XG: variants seen among roughly 807,000 people sequenced by gnomAD.
The protein encoded by XG is Xg glycoprotein (Xg blood group).
XG carries 24 observed loss-of-function variants against 25.7 expected under a neutral mutation model. The ratio of observed to expected loss-of-function variants is 0.93; its 90% CI spans 0.68 to 1.31. The LOEUF (loss-of-function observed/expected upper bound fraction) is 1.31, where lower values mean the gene tolerates loss of function less well. Ranked by LOEUF, XG falls within the 40% of genes most tolerant of loss-of-function variation. The probability of loss-of-function intolerance (pLI) is 0.00; values close to 1 mark genes in which losing one functional copy is unlikely to be tolerated. For missense variants in XG, 181 were observed against 187.6 expected (o/e 0.96, Z 0.21); for synonymous variants, 77 against 69.2 (o/e 1.11, Z -0.56).
At position 2,782,255 on chromosome X, in the gene XG, A is replaced by G. The variant is rs1338491009; in HGVS notation, c.190+127A>G. 2.1e-5 allele frequency: 16 copies of G among 776,150 alleles called. No homozygotes were observed. The East Asian group carries it at 3.0e-4, about 15-fold the overall frequency. The allele number at this position is 776,150 out of a possible 1,213,427, so 64.0% of individuals were successfully genotyped here. A position where few individuals can be genotyped will look rare whatever the true frequency, so the allele number is the denominator to read the frequency against. ...GTAATAGCTCCCTTACTGGGAATGT[A>G]GTTTCTTTCCTCACTGGGGGGAGCA... On this transcript the variant is annotated intron_variant, in intron 4 of 10. Coordinates refer to ENST00000644266, the MANE Select transcript of XG (RefSeq NM_001141919.2).
At position 2,808,648 on chromosome X, in the gene XG, A is replaced by G. The variant is rs1273698009; in HGVS notation, c.454+428A>G. ...TCCCGTCTCAGGTCAAAGGAGGGAG[A>G]ACTTGAAGCCCAGAAGGCTGACTTT... On this transcript the variant is annotated intron_variant, in intron 9 of 10. Transcript: ENST00000644266. 6.7e-6 allele frequency: 4 copies of G among 600,566 alleles called. No individual in the cohort carries two copies. The African/African-American group carries it at 9.9e-5, about 15-fold the overall frequency. 49.5% of individuals were successfully genotyped at this position (600,566 alleles called of 1,213,427 possible).
At chrX:2,804,094 C>T (rs914243164) in intron 7 of XG, among the ~76,000 whole-genome samples, 1 of 112,367 alleles carries the variant, frequency 8.9e-6, no homozygotes, top group Non-Finnish European at 1.9e-5. Flanking sequence ...CCACCCTCAT[C>T]GGCCTCCCAA....
chrX:2,783,337 G>A (rs2086750377), intron 4 of XG, among the ~76,000 whole-genome samples: 1 of 80,008 alleles, frequency 1.2e-5, no homozygotes, highest in Non-Finnish European at 2.3e-5. Context: ...GAGTGAACGA[G>A]AGAGAGAAGA....
chrX:2,768,279 C>T (rs182336435), intron 1 of XG, among the ~76,000 whole-genome samples: 7 of 152,296 alleles, frequency 4.6e-5, no homozygotes, highest in Admixed American at 1.3e-4. Flanking sequence ...AGATATTGGT[C>T]AACGGCGAAC....
At position 2,771,015 on chromosome X, in the gene XG, T is replaced by G. The variant is rs147645489; in HGVS notation, c.103+424T>G. On this transcript the variant is annotated intron_variant, in intron 2 of 10. Transcript: ENST00000644266. ...GTGTGTGCCCCCATGCCAAGCTAAT[T>G]TTTTTCTTTTTTCTTTTTTGTAGAA... Among the ~76,000 whole-genome samples, 3 of 151,932 alleles carry G rather than the reference T, an allele frequency of 2.0e-5. No homozygotes were observed. In the East Asian group the frequency reaches 5.8e-4, roughly 30 times the overall value.
chrX:2,802,942 A>G (rs777826693), intron 7 of XG, among the ~76,000 whole-genome samples: 3 of 111,228 alleles, frequency 2.7e-5, no homozygotes, highest in Admixed American at 9.6e-5. Context: ...ACTTCCTCCT[A>G]TGGTTATCTG....
chrX:2,761,933 T>C (rs1462059876), intron 1 of XG, among the ~76,000 whole-genome samples: 2 of 152,142 alleles, frequency 1.3e-5, no homozygotes, highest in East Asian at 1.9e-4. Flanking sequence ...TGGGAAGCCA[T>C]TACCAAGTCT....
chrX:2,773,518 A>C (rs753242416), intron 2 of XG, among the ~76,000 whole-genome samples: 1,622 of 123,672 alleles, frequency 0.013, 25 homozygotes, highest in Non-Finnish European at 0.022. Context: ...AAGGAAGGAG[A>C]GAAGGAAGGA....
intron 1 of XG, among the ~76,000 whole-genome samples, chrX:2,765,807 G>A (rs1175934525): frequency 1.3e-5 from 2 of 149,162 alleles, no homozygotes; most frequent in African/African-American, 5.0e-5. Flanking sequence ...ATTATTATTC[G>A]AGCAATGGTA....
At chrX:2,807,474 A>G (rs773483045) in intron 8 of XG, among the ~76,000 whole-genome samples, 95 of 110,283 alleles carry the variant, frequency 8.6e-4, no homozygotes, top group African/African-American at 2.9e-3. Context: ...ATTTGTGTGT[A>G]CATGCATGTG....
At chrX:2,770,714 G>A in intron 2 of XG, 123 bp downstream of exon 2, 1 of 1,169,550 alleles carries the variant, frequency 8.6e-7, no homozygotes, top group Non-Finnish European at 1.3e-6. Flanking sequence ...TGAGATCTCT[G>A]TTCTTTGCAG....
chrX:2,768,958 T>A (rs1432274326), intron 1 of XG, among the ~76,000 whole-genome samples: 1 of 152,150 alleles, frequency 6.6e-6, no homozygotes, highest in Non-Finnish European at 1.5e-5. Context: ...TGACCTGTGA[T>A]GGCACCGCCA....
chrX:2,775,069 A>T lies in XG; in HGVS notation c.127+330A>T, dbSNP rs182546679. On this transcript the variant is annotated intron_variant, in intron 3 of 10. Transcript: ENST00000644266. The stretch of plus-strand genomic sequence containing the variant: ...CCACTGTGAACAAATGCTTTGGTGG[A>T]TCCTCCAAAAGTTAAATACAGGATT... The T allele has an allele frequency of 2.8e-3, 987 of 351,184 alleles. 1 individual carries two copies. The highest frequency in any genetic ancestry group is 3.5e-3 in the Non-Finnish European group (653 of 188,846). 21.8% of individuals were successfully genotyped at this position (351,184 alleles called of 1,614,324 possible).
At chrX:2,761,003 C>A (rs946166712) in intron 1 of XG, among the ~76,000 whole-genome samples, 5 of 151,802 alleles carry the variant, frequency 3.3e-5, no homozygotes, top group African/African-American at 1.2e-4. Flanking sequence ...TTTAAACAGC[C>A]TGGTCTGTGG....
intron 2 of XG, among the ~76,000 whole-genome samples, chrX:2,772,409 C>T (rs774200239): frequency 5.1e-4 from 77 of 152,286 alleles, no homozygotes; most frequent in Admixed American, 2.9e-3. Flanking sequence ...GGTTCTGATG[C>T]GTGCTACATG....
intron 3 of XG, 123 bp from the exon 4 acceptor site, chrX:2,781,943 G>A: frequency 4.5e-6 from 3 of 663,390 alleles, no homozygotes; most frequent in East Asian, 3.4e-5. Context: ...TAAACACACC[G>A]TGGGCAGCAA....
At chrX:2,763,011 CTAAAGATAACA>C (rs1284780013) in intron 1 of XG, among the ~76,000 whole-genome samples, 1 of 152,166 alleles carries the variant, frequency 6.6e-6, no homozygotes, top group East Asian at 1.9e-4. Flanking sequence ...CCTGTAAAGA[CTAAAGATAACA>C]TCCTTTTTTG....
chrX:2,812,524 G>T (rs1033404570), intron 10 of XG, among the ~76,000 whole-genome samples: 4 of 111,008 alleles, frequency 3.6e-5, no homozygotes, highest in African/African-American at 1.3e-4. Flanking sequence ...CCAGAAAGGG[G>T]TGCCCATTCC....
At chrX:2,773,006 T>C (rs1239737934) in intron 2 of XG, among the ~76,000 whole-genome samples, 1 of 134,352 alleles carries the variant, frequency 7.4e-6, no homozygotes, top group Admixed American at 8.2e-5. Flanking sequence ...TGTGAGTGTA[T>C]CACTATTTTA....
Sources: gnomAD v4.1 joint callset for allele counts (sites outside exome capture counted in the v4.1 genomes callset) on GRCh38, gnomAD v4.1.1 for gene constraint, MANE v1.5 for transcripts, NCBI Gene and HGNC (gene_info 2026-07-23, HGNC 2026-07-21) for gene names.